The following ST6GALNAC5 variants were observed in gnomAD, a reference collection of about 807,000 sequenced individuals.
ST6GALNAC5 encodes the protein ST6 N-acetylgalactosaminide alpha-2,6-sialyltransferase 5.
ST6GALNAC5 carries 27 observed loss-of-function variants against 33.6 expected under a neutral mutation model. The ratio of observed to expected loss-of-function variants is 0.80; its 90% confidence interval spans 0.59 to 1.11. The LOEUF is 1.11. ST6GALNAC5 is among the 50% of genes least tolerant of loss of function. The pLI, the probability that ST6GALNAC5 is intolerant of heterozygous loss-of-function variation, is 0.00. For missense variants in ST6GALNAC5, 428 were observed against 454.0 expected (o/e 0.94, Z 0.52); for synonymous variants, 194 against 171.2 (o/e 1.13, Z -1.04).
intron 2 of ST6GALNAC5, among the ~76,000 whole-genome samples, chr1:77,035,688 T>A (rs967243693): frequency 4.6e-5 from 7 of 152,134 alleles, no homozygotes; most frequent in Non-Finnish European, 1.0e-4. Context: ...TCATCATTAG[T>A]CACTTGGAAA....
chr1:76,989,520 A>AT (rs34827508), intron 2 of ST6GALNAC5, among the ~76,000 whole-genome samples: 36,072 of 151,726 alleles, frequency 0.24, 4,511 homozygotes, highest in Middle Eastern at 0.34. Context: ...TTATTAATAC[A>AT]TTTTTTGCCT....
intron 4 of ST6GALNAC5, among the ~76,000 whole-genome samples, chr1:77,057,808 C>A (rs963866054): frequency 3.9e-5 from 6 of 152,156 alleles, no homozygotes; most frequent in African/African-American, 1.4e-4. Flanking sequence ...TAAACCTCGT[C>A]AGTACCCAGA....
intron 2 of ST6GALNAC5, among the ~76,000 whole-genome samples, chr1:76,877,040 C>G (rs922131887): frequency 2.6e-5 from 4 of 152,318 alleles, no homozygotes; most frequent in South Asian, 4.1e-4. Context: ...CTGTGCAAAA[C>G]CCGCTTTTTG....
intron 2 of ST6GALNAC5, among the ~76,000 whole-genome samples, chr1:76,981,865 A>T (rs536665757): frequency 6.6e-6 from 1 of 152,204 alleles, no homozygotes; most frequent in African/African-American, 2.4e-5. Context: ...TACCCAGGCA[A>T]ACAGGGTCTG....
At chr1:76,958,251 T>A (rs1648084968) in intron 2 of ST6GALNAC5, among the ~76,000 whole-genome samples, 1 of 152,162 alleles carries the variant, frequency 6.6e-6, no homozygotes, top group Admixed American at 6.5e-5. Context: ...CGTCTTTTTA[T>A]TTGTCCTTTT....
intron 2 of ST6GALNAC5, among the ~76,000 whole-genome samples, chr1:76,925,229 C>T (rs1167865200): frequency 6.6e-6 from 1 of 152,070 alleles, no homozygotes; most frequent in African/African-American, 2.4e-5. Context: ...CCCCCACGAT[C>T]CAATGCCTCC....
chr1:77,052,967 A>T lies in ST6GALNAC5; in HGVS notation c.779+2602A>T, dbSNP rs1376972941. Among the ~76,000 whole-genome samples, 5 of 151,596 alleles carry T rather than the reference A, an allele frequency of 3.3e-5. No homozygotes were observed. In the East Asian group the frequency reaches 9.7e-4, roughly 29 times the overall value. ...ATTTTAAGGGGGGCTTCAAAGACACAGCTTCTTGCCTCCTGGAGGCTTATA... is the reference window on the plus strand; with the variant it reads ...ATTTTAAGGGGGGCTTCAAAGACACTGCTTCTTGCCTCCTGGAGGCTTATA... On this transcript the variant is annotated intron_variant, in intron 4 of 4. Transcript: ENST00000477717.
intron 2 of ST6GALNAC5, among the ~76,000 whole-genome samples, chr1:76,919,430 C>T (rs187019682): frequency 1.3e-5 from 2 of 152,206 alleles, no homozygotes; most frequent in Admixed American, 1.3e-4. Context: ...CACCTTCTTC[C>T]CTTAATGGGT....
intron 2 of ST6GALNAC5, among the ~76,000 whole-genome samples, chr1:76,962,801 T>C (rs1001988546): frequency 1.3e-5 from 2 of 152,230 alleles, no homozygotes; most frequent in Admixed American, 1.3e-4. Context: ...TCAGATTTTT[T>C]CATAATCTGA....
intron 4 of ST6GALNAC5, among the ~76,000 whole-genome samples, chr1:77,060,562 T>C (rs1286684881): frequency 1.3e-5 from 2 of 152,180 alleles, no homozygotes; most frequent in Non-Finnish European, 2.9e-5. Flanking sequence ...ACTTTTCTGC[T>C]GCTTGGACAG....
intron 2 of ST6GALNAC5, among the ~76,000 whole-genome samples, chr1:77,043,825 C>G (rs889124442): frequency 6.6e-6 from 1 of 152,184 alleles, no homozygotes; most frequent in Non-Finnish European, 1.5e-5. Context: ...AACTTTATTA[C>G]TGGCTAGGAA....
intron 2 of ST6GALNAC5, among the ~76,000 whole-genome samples, chr1:77,013,028 G>A (rs1017535850): frequency 2.0e-5 from 3 of 152,180 alleles, no homozygotes; most frequent in Non-Finnish European, 2.9e-5. Context: ...CAAAGTAGTT[G>A]CAGTTACCCA....
intron 2 of ST6GALNAC5, among the ~76,000 whole-genome samples, chr1:76,977,547 A>C (rs759571709): frequency 5.3e-5 from 8 of 152,174 alleles, no homozygotes; most frequent in Non-Finnish European, 1.2e-4. Flanking sequence ...TAGAGTACAC[A>C]AATGAGTGAG....
intron 2 of ST6GALNAC5, among the ~76,000 whole-genome samples, chr1:77,042,270 C>T (rs1651855155): frequency 6.6e-6 from 1 of 152,222 alleles, no homozygotes; most frequent in Non-Finnish European, 1.5e-5. Flanking sequence ...TTTGTGCCCC[C>T]AGCTTTGCTG....
chr1:77,015,262 G>C (rs921927079), intron 2 of ST6GALNAC5, among the ~76,000 whole-genome samples: 4 of 152,114 alleles, frequency 2.6e-5, no homozygotes, highest in African/African-American at 9.7e-5. Flanking sequence ...GATGAGATGA[G>C]ATGTCCTAAT....
At chr1:77,044,643 G>A (rs1385905275) in intron 3 of ST6GALNAC5, 30 bp downstream of exon 3, 2 of 1,518,470 alleles carry the variant, frequency 1.3e-6, no homozygotes, top group South Asian at 2.6e-5. Flanking sequence ...AAGATGCAGG[G>A]GAGGGTGAGG....
At position 76,868,095 on chromosome 1, in the gene ST6GALNAC5, G is replaced by A. The variant is rs969540088; in HGVS notation, c.16-402G>A. Among the ~76,000 whole-genome samples the A allele has an allele frequency of 6.6e-6, 1 of 152,178 alleles. No homozygotes were observed. The highest frequency in any genetic ancestry group is 2.4e-5 in the African/African-American group (1 of 41,458). ...CTTAGATTTCAAACTTGCAAGGATCGCAAGGATCCAGGGCCCCAGGAAAGG... is the reference window on the plus strand; with the variant it reads ...CTTAGATTTCAAACTTGCAAGGATCACAAGGATCCAGGGCCCCAGGAAAGG... On this transcript the variant is annotated intron_variant, in intron 1 of 4. Transcript: ENST00000477717. The surrounding 1 kb of genome is among the most constrained non-coding windows in gnomAD (Gnocchi z 4.3).
intron 2 of ST6GALNAC5, among the ~76,000 whole-genome samples, chr1:77,034,102 A>G (rs991173710): frequency 7.9e-5 from 12 of 152,132 alleles, no homozygotes; most frequent in African/African-American, 2.2e-4. Flanking sequence ...TCGGCTGTGT[A>G]AAAACCACAG....
intron 2 of ST6GALNAC5, among the ~76,000 whole-genome samples, chr1:76,978,269 G>A (rs1400291813): frequency 2.0e-5 from 3 of 152,054 alleles, no homozygotes; most frequent in Non-Finnish European, 4.4e-5. Context: ...CTATTCTGTA[G>A]GTTGTTTTTT....
Sources: allele counts gnomAD v4.1 joint callset (sites outside exome capture counted in the v4.1 genomes callset), GRCh38; gene constraint gnomAD v4.1.1; non-coding constraint Gnocchi (gnomAD v3.1); transcripts MANE v1.5; gene names NCBI Gene and HGNC (gene_info 2026-07-23, HGNC 2026-07-21).